The following NFASC variants were observed in gnomAD, a reference collection of about 807,000 sequenced individuals.
NFASC encodes neurofascin.
NFASC carries 43 observed loss-of-function variants against 147.5 expected under a neutral mutation model. The observed-to-expected ratio is 0.29, with a 90% CI of 0.23 to 0.38. The LOEUF is 0.38. NFASC is among the 10% of genes least tolerant of loss of function. The pLI is 1.00. For missense variants in NFASC, 1,320 were observed against 1,689.0 expected, an observed-to-expected ratio of 0.78 and a Z score of 3.83; for synonymous variants, 622 against 665.5, an observed-to-expected ratio of 0.93 and a Z score of 1.01.
chr1:204,941,233 T>C (rs2802828), intron 2 of NFASC, among the ~76,000 whole-genome samples: 2 of 152,142 alleles, frequency 1.3e-5, no homozygotes, highest in South Asian at 2.1e-4. Context: ...ATGAATCTAG[T>C]GTTCTTTAAA....
At chr1:204,946,170 C>T (rs879199605) in intron 3 of NFASC, 7 of 385,546 alleles carry the variant, frequency 1.8e-5, no homozygotes, top group Middle Eastern at 6.1e-4. Context: ...GTTGTGTTCG[C>T]GGAAACTCAA....
intron 1 of NFASC, 38 bp downstream of exon 1, chr1:204,828,820 A>T: frequency 1.2e-5 from 12 of 985,204 alleles, no homozygotes; most frequent in Non-Finnish European, 1.4e-5. Context: ...GGGGGTAGAG[A>T]GTCATGGAAA....
intron 1 of NFASC, among the ~76,000 whole-genome samples, chr1:204,830,733 G>T (rs903911293): frequency 2.6e-5 from 4 of 152,190 alleles, no homozygotes; most frequent in Admixed American, 2.0e-4. Context: ...AATTGTGGTT[G>T]CCACTGTGGA....
At chr1:204,959,249 C>CTGG (rs1434928434) in intron 8 of NFASC, among the ~76,000 whole-genome samples, 1 of 152,198 alleles carries the variant, frequency 6.6e-6, no homozygotes, top group East Asian at 1.9e-4. Context: ...TGTGTTGGTG[C>CTGG]TGGGCTGCCA....
Position 205,015,625 on chromosome 1 carries a change from C to G in NFASC, c.3492-683C>G, listed in dbSNP as rs1429761128. 6.6e-6 allele frequency among the ~76,000 whole-genome samples: 1 copy of G among 152,150 alleles called. No homozygotes were observed. Among genetic ancestry groups the G allele is most frequent in the Non-Finnish European group, 1.5e-5 (1 of 68,018 alleles). ...GCTGGGCATGATCCTCTGAGCCTTG[C>G]TGTCTTCTCACGTTTGCTGGCATCA... On this transcript the variant is annotated intron_variant, in intron 29 of 29. Coordinates refer to ENST00000339876, the MANE Select transcript of NFASC (RefSeq NM_001005388.3). This position sits in a 1 kb window ranked among gnomAD's most constrained non-coding sequence, Gnocchi z 4.0.
intron 1 of NFASC, among the ~76,000 whole-genome samples, chr1:204,839,853 T>A (rs1674796908): frequency 6.6e-6 from 1 of 152,180 alleles, no homozygotes; most frequent in Non-Finnish European, 1.5e-5. Flanking sequence ...TGGAGCCCCA[T>A]GATGCAGGCC....
chr1:204,877,394 G>T (rs1428456100), intron 1 of NFASC, among the ~76,000 whole-genome samples: 3 of 152,056 alleles, frequency 2.0e-5, no homozygotes, highest in Non-Finnish European at 4.4e-5. Flanking sequence ...CTGTTGGGAA[G>T]CCGTGCTGGT....
intron 1 of NFASC, among the ~76,000 whole-genome samples, chr1:204,894,547 C>T (rs2083030586): frequency 6.6e-6 from 1 of 152,204 alleles, no homozygotes; most frequent in African/African-American, 2.4e-5. Context: ...ATCCTTCTGC[C>T]TACCACCTCT....
intron 29 of NFASC, among the ~76,000 whole-genome samples, chr1:205,013,281 C>G (rs756416338): frequency 2.6e-5 from 4 of 152,168 alleles, no homozygotes; most frequent in Non-Finnish European, 5.9e-5. Flanking sequence ...ACACTCCATT[C>G]CTAACCCTGA....
chr1:204,873,259 T>C (rs1223899958), intron 1 of NFASC, among the ~76,000 whole-genome samples: 1 of 152,222 alleles, frequency 6.6e-6, no homozygotes, highest in Non-Finnish European at 1.5e-5. Context: ...CTTGGGATTT[T>C]GGCAGCTCTG....
chr1:204,906,752 G>A (rs1372222956), intron 1 of NFASC, among the ~76,000 whole-genome samples: 5 of 57,208 alleles, frequency 8.7e-5, no homozygotes, highest in African/African-American at 3.3e-4. Flanking sequence ...GCGCGATCTC[G>A]GCTCACTGCA....
intron 27 of NFASC, among the ~76,000 whole-genome samples, chr1:205,006,796 G>T (rs2096121336): frequency 6.6e-6 from 1 of 152,178 alleles, no homozygotes; most frequent in Admixed American, 6.5e-5. Flanking sequence ...GCAGCAGCAG[G>T]AGAGCTGGGA....
chr1:204,975,439 C>A lies in NFASC; in HGVS notation c.1706+21C>A. 6.3e-7 allele frequency: 1 copy of A among 1,598,848 alleles called. No individual in the cohort carries two copies. On this transcript the variant is annotated intron_variant, in intron 15 of 29. Transcript: ENST00000339876. The surrounding 1 kb of genome is among the most constrained non-coding windows in gnomAD (Gnocchi z 4.0). ...AACAGGTTTCTCTTCCCCCTTCCCC[C>A]TTCCTAGTGCTAGTTTGAGGCGCAT...
At chr1:204,949,944 A>C (rs2093997598) in intron 3 of NFASC, among the ~76,000 whole-genome samples, 1 of 152,260 alleles carries the variant, frequency 6.6e-6, no homozygotes. Flanking sequence ...CCTCCCATTG[A>C]GAAGCATGAT....
chr1:204,843,587 T>TCTTCCTTCCTTC (rs141939311), intron 1 of NFASC, among the ~76,000 whole-genome samples: 26 of 120,592 alleles, frequency 2.2e-4, no homozygotes, highest in Middle Eastern at 4.1e-3. Flanking sequence ...CTTCTTTCCT[T>TCTTCCTTCCTTC]CTTCCTTCCT....
intron 24 of NFASC, among the ~76,000 whole-genome samples, chr1:204,991,906 G>T (rs377026801): frequency 6.6e-6 from 1 of 152,322 alleles, no homozygotes; most frequent in South Asian, 2.1e-4. Flanking sequence ...AGCAGGCACC[G>T]TGGGCTGATT....
chr1:204,958,730 G>T (rs1414283124), intron 8 of NFASC, among the ~76,000 whole-genome samples: 1 of 152,242 alleles, frequency 6.6e-6, no homozygotes, highest in Non-Finnish European at 1.5e-5. Flanking sequence ...AGTGAGGATT[G>T]TTGGGGAGGC....
intron 1 of NFASC, among the ~76,000 whole-genome samples, chr1:204,846,109 C>T (rs1676959879): frequency 6.8e-6 from 1 of 147,960 alleles, no homozygotes; most frequent in Admixed American, 6.7e-5. Context: ...GTAATCCCAG[C>T]ATTTTGGGAG....
At chr1:204,913,903 AAG>A (rs2088437343) in intron 1 of NFASC, among the ~76,000 whole-genome samples, 1 of 151,884 alleles carries the variant, frequency 6.6e-6, no homozygotes, top group South Asian at 2.1e-4. Flanking sequence ...AAAAAAAAAA[AAG>A]AAAAGAAAAA....
Sources: allele counts gnomAD v4.1 joint callset (sites outside exome capture counted in the v4.1 genomes callset), GRCh38; gene constraint gnomAD v4.1.1; non-coding constraint Gnocchi (gnomAD v3.1); transcripts MANE v1.5; gene names NCBI Gene and HGNC (gene_info 2026-07-23, HGNC 2026-07-21).